Variants in GSS observed in about 807,000 individuals in gnomAD.
GSS encodes the protein GSH synthetase.
A neutral mutation model predicts 60.4 loss-of-function variants in GSS; 34 were observed. That is an observed-to-expected ratio of 0.56 (90% CI 0.43 to 0.75). GSS has a LOEUF of 0.75. Ranked by LOEUF, GSS falls within the 30% of genes least tolerant of loss-of-function variation. The pLI is 0.00. For missense variants in GSS, 499 were observed against 595.1 expected, an observed-to-expected ratio of 0.84 and a Z score of 1.68; for synonymous variants, 224 against 239.0, an observed-to-expected ratio of 0.94 and a Z score of 0.58.
chr20:34,941,746 A>T lies in GSS; in HGVS notation c.575T>A (p.Ile192Asn). The T allele has an allele frequency of 6.2e-7, 1 of 1,611,164 alleles. No individual in the cohort carries two copies. Residue 192 changes from isoleucine to asparagine, a missense_variant, in exon 6 of 13, where the codon ATT (isoleucine) becomes AAT (asparagine). By Grantham distance (149) the Ile-to-Asn change is moderately radical. Coordinates refer to ENST00000651619, the MANE Select transcript of GSS (RefSeq NM_000178.4). The stretch of plus-strand genomic sequence containing the variant: ...GCCGTAGAGCTCCCAGGCTTTGGCA[A>T]TTCCCAGGGCCAGTCCCTTGCTGGG... The part of the protein sequence containing the change: ...NNPSKGLALG[I>N]AKAWELYGSP...
chr20:34,928,540 T>TGCTGAAAAGGCTGATGAGGG lies in GSS; in HGVS notation c.*268_*287dup. 1 of 511,452 alleles carries TGCTGAAAAGGCTGATGAGGG rather than the reference T, an allele frequency of 2.0e-6. No individual in the cohort carries two copies. The highest frequency in any genetic ancestry group is 2.1e-5 in the South Asian group (1 of 48,160). The allele number at this position is 511,452 out of a possible 1,614,324, so 31.7% of individuals were successfully genotyped here. On this transcript the variant is annotated 3_prime_UTR_variant, in exon 13 of 13. Transcript: ENST00000651619. ...CTATCCCAAGTCAGGCACTGGAACC[T>TGCTGAAAAGGCTGATGAGGG]GCTGAAAAGGCTGATGAGGGGCTGA...
intron 1 of GSS, among the ~76,000 whole-genome samples, chr20:34,953,471 A>C (rs1569019779): frequency 6.6e-6 from 1 of 152,168 alleles, no homozygotes; most frequent in Non-Finnish European, 1.5e-5. Context: ...ACAGACAGAC[A>C]GACCTGGGTT....
chr20:34,952,897 C>G (rs2081580848), intron 1 of GSS: 1 of 152,224 alleles, frequency 6.6e-6, no homozygotes, highest in Non-Finnish European at 1.5e-5. Flanking sequence ...ATAAGGTGAA[C>G]TCCTCCCTTA....
chr20:34,936,236 T>A (rs1363757086), intron 8 of GSS, among the ~76,000 whole-genome samples: 2 of 152,220 alleles, frequency 1.3e-5, no homozygotes, highest in African/African-American at 4.8e-5. Context: ...AGTGGTATTG[T>A]GAAATTCCAT....
At chr20:34,954,016 CTCTT>C (rs2081591867) in intron 1 of GSS, among the ~76,000 whole-genome samples, 2 of 152,256 alleles carry the variant, frequency 1.3e-5, no homozygotes, top group South Asian at 2.1e-4. Flanking sequence ...TGGCTGTACT[CTCTT>C]TATAGGTAGG....
At chr20:34,936,414 C>A (rs2081441278) in intron 8 of GSS, among the ~76,000 whole-genome samples, 1 of 152,152 alleles carries the variant, frequency 6.6e-6, no homozygotes, top group African/African-American at 2.4e-5. Context: ...GGCATCCAGA[C>A]CAATCACAGC....
intron 6 of GSS, among the ~76,000 whole-genome samples, chr20:34,940,710 T>C (rs2081475654): frequency 6.6e-6 from 1 of 152,232 alleles, no homozygotes; most frequent in African/African-American, 2.4e-5. Flanking sequence ...TTAAGGACTA[T>C]TAATGCTATA....
intron 3 of GSS, among the ~76,000 whole-genome samples, chr20:34,945,451 C>T (rs2081513438): frequency 6.6e-6 from 1 of 150,982 alleles, no homozygotes; most frequent in African/African-American, 2.4e-5. Context: ...TCAGAGGTTG[C>T]TTCCTCATGC....
At chr20:34,946,311 GAAGCAAAA>G (rs2147132451) in intron 2 of GSS, among the ~76,000 whole-genome samples, 1 of 152,200 alleles carries the variant, frequency 6.6e-6, no homozygotes, top group Non-Finnish European at 1.5e-5. Context: ...TGAAGAGAGA[GAAGCAAAA>G]AAGCAAAATG....
chr20:34,932,852 T>C (rs535131588), intron 9 of GSS, among the ~76,000 whole-genome samples: 7 of 152,128 alleles, frequency 4.6e-5, no homozygotes, highest in African/African-American at 9.7e-5. Context: ...TGTTTACTTT[T>C]TTTTTCTTTT....
chr20:34,953,414 G>A (rs754297433), intron 1 of GSS, among the ~76,000 whole-genome samples: 1 of 152,178 alleles, frequency 6.6e-6, no homozygotes, highest in Non-Finnish European at 1.5e-5. Flanking sequence ...CCTGTTGAGT[G>A]AGACATACAT....
intron 1 of GSS, chr20:34,954,937 T>C (rs1330440695): frequency 6.5e-6 from 1 of 153,090 alleles, no homozygotes; most frequent in African/African-American, 2.4e-5. Context: ...TTTCCAGAGT[T>C]TGTAGCCTAG....
intron 9 of GSS, chr20:34,933,605 A>G (rs2147123498): frequency 6.5e-6 from 1 of 153,276 alleles, no homozygotes; most frequent in South Asian, 2.1e-4. Context: ...CCCCCACCCA[A>G]TGCTGTCCTT....
rs181061781 is a variant in GSS, at chr20:34,931,722, C to G, written c.1029+217G>C. ...CTCTGGTTGCCATCCTCATCTCTAC[C>G]TTTGCTGAGGGAGCTTACAATGGAT... On this transcript the variant is annotated intron_variant, in intron 10 of 12. Coordinates refer to ENST00000651619, the MANE Select transcript of GSS (RefSeq NM_000178.4). 195 of 625,054 alleles carry G rather than the reference C, an allele frequency of 3.1e-4. No individual in the cohort carries two copies. The African/African-American group carries it at 3.2e-3, about 10-fold the overall frequency. 38.7% of individuals were successfully genotyped at this position (625,054 alleles called of 1,614,324 possible).
chr20:34,942,376 C>T lies in GSS; in HGVS notation c.491+112G>A. 3.9e-6 allele frequency: 4 copies of T among 1,024,052 alleles called. No homozygotes were observed. In the South Asian group the frequency reaches 4.3e-5, roughly 11 times the overall value. The allele number at this position is 1,024,052 out of a possible 1,614,324, so 63.4% of individuals were successfully genotyped here. A position where few individuals can be genotyped will look rare whatever the true frequency, so the allele number is the denominator to read the frequency against. ...GGGGTGGCCAGGGGCAACATGTGAC[C>T]CGGGGCCCAGGAAAGCACAATCATA... On this transcript the variant is annotated intron_variant, in intron 5 of 12. Transcript: ENST00000651619.
intron 2 of GSS, chr20:34,950,139 G>A (rs1056998396): frequency 6.6e-6 from 1 of 152,000 alleles, no homozygotes; most frequent in African/African-American, 2.4e-5. Context: ...CCAAGTGTTG[G>A]ATCTTCACAT....
chr20:34,946,375 G>A (rs1437667721), intron 2 of GSS, among the ~76,000 whole-genome samples: 3 of 152,190 alleles, frequency 2.0e-5, no homozygotes, highest in African/African-American at 7.2e-5. Context: ...CTTACTATGT[G>A]CAAGGTACTA....
intron 9 of GSS, among the ~76,000 whole-genome samples, chr20:34,932,544 C>T (rs1470580248): frequency 6.6e-6 from 1 of 152,110 alleles, no homozygotes; most frequent in Non-Finnish European, 1.5e-5. Context: ...TTCCTCAAAT[C>T]ACAAAGCTCT....
chr20:34,934,168 ACT>A (rs1308333285), intron 9 of GSS: 1 of 148,760 alleles, frequency 6.7e-6, no homozygotes, highest in African/African-American at 2.5e-5. Context: ...CAAGAGCAAA[ACT>A]CTGTCTCAAA....
Sources: gnomAD v4.1 joint callset for allele counts (sites outside exome capture counted in the v4.1 genomes callset) on GRCh38, gnomAD v4.1.1 for gene constraint, MANE v1.5 for transcripts, NCBI Gene and HGNC (gene_info 2026-07-23, HGNC 2026-07-21) for gene names.